The following ITGA7 variants were observed in gnomAD, a reference collection of about 807,000 sequenced individuals.
ITGA7 encodes integrin alpha-7.
In ITGA7, 84 loss-of-function variants were observed where a neutral mutation model predicts 131.6. The observed-to-expected ratio is 0.64, with a 90% confidence interval of 0.54 to 0.77. ITGA7 has a LOEUF of 0.77. ITGA7 is among the 30% of genes least tolerant of loss of function. The pLI is 0.00. For synonymous variants in ITGA7, 548 were observed against 600.7 expected (o/e 0.91, Z 1.28); for missense variants, 1,399 against 1,482.9 (o/e 0.94, Z 0.93).
intron 3 of ITGA7, among the ~76,000 whole-genome samples, 197 bp downstream of exon 3, chr12:55,702,671 GATGA>G (rs1321131731): frequency 6.6e-6 from 1 of 152,174 alleles, no homozygotes; most frequent in Non-Finnish European, 1.5e-5. Flanking sequence ...CAAATGGATG[GATGA>G]ATGAATGGAC....
intron 1 of ITGA7, among the ~76,000 whole-genome samples, chr12:55,704,001 G>A (rs1874641927): frequency 6.6e-6 from 1 of 152,150 alleles, no homozygotes; most frequent in African/African-American, 2.4e-5. Context: ...TCACAGCCAA[G>A]CCGTCTTCCC....
At chr12:55,715,896 A>G (rs1742476697), upstream of ITGA7, 1 of 947,874 alleles carries the variant, frequency 1.1e-6, no homozygotes, top group Non-Finnish European at 1.5e-6. Context: ...TAAGTATTAG[A>G]AAATACTTCT....
chr12:55,685,323 G>A (rs773234621), intron 24 of ITGA7, 35 bp from the exon 25 acceptor site: 2 of 1,590,420 alleles, frequency 1.3e-6, no homozygotes, highest in African/African-American at 1.3e-5. Flanking sequence ...TGAGGAGCCT[G>A]AAGAGCTGCG....
intron 2 of ITGA7, 44 bp downstream of exon 2, chr12:55,703,007 C>A (rs547131089): frequency 1.9e-6 from 3 of 1,613,850 alleles, no homozygotes; most frequent in Non-Finnish European, 1.7e-6. Flanking sequence ...GTCCTCTCCT[C>A]CCCGCTCACA....
At chr12:55,696,550 T>A in intron 12 of ITGA7, 118 bp from the exon 13 acceptor site, 26 of 1,103,600 alleles carry the variant, frequency 2.4e-5, no homozygotes, top group Non-Finnish European at 2.7e-5. Flanking sequence ...GGGAGATGAA[T>A]GAGAGAGGTG....
At chr12:55,713,553 T>C (rs1183018050), upstream of ITGA7, among the ~76,000 whole-genome samples, 1 of 152,212 alleles carries the variant, frequency 6.6e-6, no homozygotes, top group African/African-American at 2.4e-5. Context: ...ATCTGCAAAT[T>C]TGGGATACTC....
chr12:55,715,635 G>A (rs1231207278), upstream of ITGA7, among the ~76,000 whole-genome samples: 1 of 152,148 alleles, frequency 6.6e-6, no homozygotes, highest in African/African-American at 2.4e-5. Context: ...CCAGAGCTGA[G>A]AGACTTCAGT....
Position 55,694,943 on chromosome 12 carries a change from A to AC in ITGA7, c.2030_2031insG (p.Phe677LeufsTer28). 2 of 1,613,788 alleles carry AC rather than the reference A, an allele frequency of 1.2e-6. No homozygotes were observed. The highest frequency in any genetic ancestry group is 1.7e-6 in the Non-Finnish European group (2 of 1,179,974). On this transcript the variant is annotated frameshift_variant, in exon 15 of 25. Coordinates refer to ENST00000257879, the MANE Select transcript of ITGA7 (RefSeq NM_002206.3). LOFTEE classifies it high-confidence loss of function. The surrounding 1 kb of genome is among the most constrained non-coding windows in gnomAD (Gnocchi z 5.3). ...CAATGACTGGCTGCCCACTCAGTGC[A>AC]AACAGGGCTGTTGTTCCATCCACAT...
At chr12:55,698,261 G>C in intron 7 of ITGA7, 122 bp downstream of exon 7, 2 of 989,390 alleles carry the variant, frequency 2.0e-6, no homozygotes, top group Non-Finnish European at 2.9e-6. Context: ...GTACAGCTCA[G>C]ACATAAGCTC....
At chr12:55,695,121 G>T in intron 14 of ITGA7, 151 bp from the exon 15 acceptor site, 2 of 739,634 alleles carry the variant, frequency 2.7e-6, no homozygotes, top group South Asian at 1.7e-5. Context: ...TCAGGCCTCT[G>T]TACACACGAC....
upstream of ITGA7, among the ~76,000 whole-genome samples, chr12:55,709,026 A>G (rs1875773613): frequency 6.6e-6 from 1 of 152,094 alleles, no homozygotes. Flanking sequence ...GGAACCTCGA[A>G]TGCTCCCACT....
chr12:55,707,609 T>C lies in ITGA7; in HGVS notation c.74A>G (p.Glu25Gly), dbSNP rs754372460. Residue 25 changes from glutamate (E) to glycine (G), a missense_variant, in exon 1 of 25, where the codon GAA becomes GGA. Physicochemically the swap from Glu to Gly is moderately conservative, Grantham distance 98. Coordinates refer to ENST00000257879, the MANE Select transcript of ITGA7 (RefSeq NM_002206.3). ...ICYLFGSLLV[E>G]LLFSRAVAFN... ...GGCGACAGCCCGTGAGAAGAGCAGT[T>C]CGACGAGCAGGGAGCCAAAAAGGTA... The C allele has an allele frequency of 4.3e-6, 7 of 1,612,622 alleles. No homozygotes were observed. The highest frequency in any genetic ancestry group is 5.9e-6 in the Non-Finnish European group (7 of 1,179,424).
At chr12:55,687,118 C>G (rs1316364727) in intron 24 of ITGA7, among the ~76,000 whole-genome samples, 1 of 151,884 alleles carries the variant, frequency 6.6e-6, no homozygotes. Context: ...GCTCACCACT[C>G]CCATCCCACT....
At position 55,695,588 on chromosome 12, in the gene ITGA7, T is replaced by A. The variant is rs754384052; in HGVS notation, c.1937A>T (p.Asn646Ile). 6.2e-7 allele frequency: 1 copy of A among 1,613,564 alleles called. No individual in the cohort carries two copies. Among genetic ancestry groups the A allele is most frequent in the Admixed American group, 1.7e-5 (1 of 59,982 alleles). ...GCGEDKICQS[N>I]LQLVRARFCT... The stretch of plus-strand genomic sequence containing the variant: ...GAAGCGGGCGCGGACCAGCTGCAGA[T>A]TGCTCTGGCAGATCTTGTCTTCACC... The change falls in exon 14 of 25, where the codon AAT becomes ATT. Residue 646 changes from asparagine (N) to isoleucine (I), a missense_variant. Coordinates refer to ENST00000257879, the MANE Select transcript of ITGA7 (RefSeq NM_002206.3).
chr12:55,700,427 G>A (rs1873726036), intron 4 of ITGA7: 2 of 1,579,314 alleles, frequency 1.3e-6, no homozygotes, highest in African/African-American at 1.4e-5. Flanking sequence ...CCCAGGGCAG[G>A]GCGCAAGGAA....
Position 55,703,048 on chromosome 12 carries a change from C to T in ITGA7, c.334+3G>A. 1 of 1,614,136 alleles carries T rather than the reference C, an allele frequency of 6.2e-7. No homozygotes were observed. The highest frequency in any genetic ancestry group is 8.5e-7 in the Non-Finnish European group (1 of 1,180,042). On this transcript the variant is annotated splice_donor_region_variant and intron_variant, in intron 2 of 24. Coordinates refer to ENST00000257879, the MANE Select transcript of ITGA7 (RefSeq NM_002206.3). ...CCCCCACTCTGTTCATGCAGGGCCA[C>T]ACCTCCCTGGTCGATGTCCACTCTG... is the stretch of plus-strand genomic sequence containing the variant.
rs761100859 is a variant in ITGA7, at chr12:55,694,649, C to T, written c.2243G>A (p.Cys748Tyr). 2 of 1,614,194 alleles carry T rather than the reference C, an allele frequency of 1.2e-6. No individual in the cohort carries two copies. Among genetic ancestry groups the T allele is most frequent in the Non-Finnish European group, 1.7e-6 (2 of 1,180,026 alleles). ...TCTCTTCATGGGGTTCCCCAGCTCA[C>T]ACTCAACATGGGAGGCATTCTCATT... ...LSNENASHVE[C>Y]ELGNPMKRGA... Residue 748 changes from cysteine (C) to tyrosine (Y), a missense_variant, in exon 16 of 25, where the codon TGT becomes TAT. By Grantham distance (194) the Cys-to-Tyr change is radical. Transcript: ENST00000257879. The surrounding 1 kb of genome is among the most constrained non-coding windows in gnomAD (Gnocchi z 5.3).
chr12:55,695,570 G>A lies in ITGA7; in HGVS notation c.1955C>T (p.Ala652Val), dbSNP rs17855684. The A allele has an allele frequency of 1.2e-6, 2 of 1,613,996 alleles. No homozygotes were observed. Among genetic ancestry groups the A allele is most frequent in the Non-Finnish European group, 1.7e-6 (2 of 1,179,980 alleles). The change falls in exon 14 of 25, where the codon GCC becomes GTC. Residue 652 changes from alanine to valine, a missense_variant. Physicochemically the swap from Ala to Val is moderately conservative, Grantham distance 64 (BLOSUM62 0). Transcript: ENST00000257879. Reference protein sequence around the residue: ...ICQSNLQLVRARFCTRVSDTE... With the variant: ...ICQSNLQLVRVRFCTRVSDTE... Reference sequence around the variant, plus strand: ...GTCGCTGACCCGGGTACAGAAGCGGGCGCGGACCAGCTGCAGATTGCTCTG... The same window carrying A: ...GTCGCTGACCCGGGTACAGAAGCGGACGCGGACCAGCTGCAGATTGCTCTG...
At chr12:55,706,282 G>A (rs373732314) in intron 1 of ITGA7, among the ~76,000 whole-genome samples, 6 of 152,274 alleles carry the variant, frequency 3.9e-5, no homozygotes, top group Admixed American at 2.6e-4. Flanking sequence ...GATGAAGTCC[G>A]TTGCTTTCTA....
Sources: allele counts gnomAD v4.1 joint callset (sites outside exome capture counted in the v4.1 genomes callset), GRCh38; gene constraint gnomAD v4.1.1; non-coding constraint Gnocchi (gnomAD v3.1); transcripts MANE v1.5; gene names NCBI Gene and HGNC (gene_info 2026-07-23, HGNC 2026-07-21).